ARFGEF3: variants seen among roughly 807,000 people sequenced by gnomAD.
ARFGEF3 encodes brefeldin A-inhibited guanine nucleotide-exchange protein 3.
A neutral mutation model predicts 221.7 loss-of-function variants in ARFGEF3; 96 were observed. That is an observed-to-expected ratio of 0.43 (90% confidence interval 0.37 to 0.51). The LOEUF (loss-of-function observed/expected upper bound fraction) is 0.51, where lower values mean the gene tolerates loss of function less well. ARFGEF3 is among the 20% of genes least tolerant of loss of function. ARFGEF3 has a pLI of 0.00. For synonymous variants in ARFGEF3, 1,145 were observed against 1,126.8 expected (o/e 1.02, Z -0.32); for missense variants, 2,410 against 2,789.9 (o/e 0.86, Z 3.07).
chr6:138,315,250 G>A (rs148163764), intron 26 of ARFGEF3, among the ~76,000 whole-genome samples: 170 of 152,264 alleles, frequency 1.1e-3, no homozygotes, highest in African/African-American at 3.1e-3. Context: ...TAAAGAATTT[G>A]TTTCCAATTA....
rs139169064 is a variant in ARFGEF3, at chr6:138,171,765, AT to A, written c.137+1061del. Among the ~76,000 whole-genome samples the A allele has an allele frequency of 5.9e-5, 9 of 151,342 alleles. No individual in the cohort carries two copies. In the East Asian group the frequency reaches 1.2e-3, roughly 20 times the overall value. Reference sequence around the variant, plus strand: ...TATTCACGACTTTGTTGCCTGCTTGATTTTTTTTTACTCAAAACCATATGAA... The same window carrying A: ...TATTCACGACTTTGTTGCCTGCTTGATTTTTTTTACTCAAAACCATATGAA... On this transcript the variant is annotated intron_variant, in intron 2 of 33. Coordinates refer to ENST00000251691, the MANE Select transcript of ARFGEF3 (RefSeq NM_020340.5).
chr6:138,333,504 C>T (rs113139574), intron 32 of ARFGEF3, among the ~76,000 whole-genome samples: 106 of 152,172 alleles, frequency 7.0e-4, no homozygotes, highest in African/African-American at 2.1e-3. Flanking sequence ...TGCAGTGGCG[C>T]GATTTCAGCT....
intron 14 of ARFGEF3, among the ~76,000 whole-genome samples, chr6:138,285,118 C>T (rs565284529): frequency 6.6e-6 from 1 of 152,264 alleles, no homozygotes; most frequent in East Asian, 1.9e-4. Flanking sequence ...CTAATTTTAG[C>T]TGTTTCGATG....
chr6:138,245,587 A>T lies in ARFGEF3; in HGVS notation c.661A>T (p.Ile221Leu). Residue 221 changes from isoleucine (I) to leucine (L), a missense_variant, in exon 8 of 34, where the codon ATA (isoleucine) becomes TTA (leucine). Ile to Leu is a conservative substitution (Grantham distance 5, BLOSUM62 2). This residue lies in a region of ARFGEF3 where 570 missense variants were observed against 586.9 expected (regional missense o/e 0.97). Transcript: ENST00000251691. ...TVLCEKLQAAINDSQQLQLLY... is the reference protein window; with the variant it reads ...TVLCEKLQAALNDSQQLQLLY... ...CCTGTGTGAGAAGCTGCAAGCCGCC[A>T]TAAAGTAAGTGCCCTAACCACTGCC... The T allele has an allele frequency of 1.2e-6, 2 of 1,607,426 alleles. No individual in the cohort carries two copies. The highest frequency in any genetic ancestry group is 2.2e-5 in the East Asian group (1 of 44,684).
chr6:138,167,040 A>G (rs1174287410), intron 1 of ARFGEF3, among the ~76,000 whole-genome samples: 14 of 152,158 alleles, frequency 9.2e-5, no homozygotes, highest in Non-Finnish European at 1.5e-5. Context: ...AAGAACAGTA[A>G]CATACAGCCA....
At chr6:138,207,349 A>G (rs1287165605) in intron 3 of ARFGEF3, among the ~76,000 whole-genome samples, 2 of 152,240 alleles carry the variant, frequency 1.3e-5, no homozygotes, top group Non-Finnish European at 2.9e-5. Context: ...ACACTGATTC[A>G]TGTGGACCTA....
intron 10 of ARFGEF3, among the ~76,000 whole-genome samples, chr6:138,260,344 T>C (rs1454193249): frequency 1.3e-5 from 2 of 152,214 alleles, no homozygotes; most frequent in Non-Finnish European, 2.9e-5. Context: ...GCTTGGAGTA[T>C]CAATCACTTT....
chr6:138,310,555 G>GT (rs372393309), intron 24 of ARFGEF3, among the ~76,000 whole-genome samples: 2,896 of 151,840 alleles, frequency 0.019, 36 homozygotes, highest in Middle Eastern at 0.041. Flanking sequence ...AATGTTTTTT[G>GT]TTTTTTTTAA....
intron 5 of ARFGEF3, among the ~76,000 whole-genome samples, chr6:138,233,390 G>T (rs955060676): frequency 2.6e-5 from 4 of 151,854 alleles, no homozygotes; most frequent in African/African-American, 9.7e-5. Context: ...TTTGGGGGGT[G>T]GGGGGAGATG....
intron 14 of ARFGEF3, 87 bp from the exon 15 acceptor site, chr6:138,285,859 G>T (rs1310724030): frequency 1.6e-5 from 12 of 756,476 alleles, no homozygotes; most frequent in Non-Finnish European, 2.6e-5. Flanking sequence ...AGGGATATTT[G>T]TTAAAAATGA....
rs1780476047 is a variant in ARFGEF3 at position 138,344,107 on chromosome 6, C to T, written c.*7621C>T. The T allele has an allele frequency of 6.6e-6, 1 of 152,188 alleles. No individual in the cohort carries two copies. The highest frequency in any genetic ancestry group is 2.4e-5 in the African/African-American group (1 of 41,434). 9.4% of individuals were successfully genotyped at this position (152,188 alleles called of 1,614,324 possible). On this transcript the variant is annotated 3_prime_UTR_variant, in exon 34 of 34. Coordinates refer to ENST00000251691, the MANE Select transcript of ARFGEF3 (RefSeq NM_020340.5). ...TACATTATAAACAGTTCCCCTACTA[C>T]TATCTCCCACTCTAGATAAAGCCAG...
chr6:138,319,135 T>G (rs905994594), intron 27 of ARFGEF3, among the ~76,000 whole-genome samples: 4 of 148,578 alleles, frequency 2.7e-5, no homozygotes, highest in Middle Eastern at 3.2e-3. Context: ...TTTTTTTTTT[T>G]GAGAAGGGAT....
chr6:138,279,117 G>A (rs966364624), intron 13 of ARFGEF3, among the ~76,000 whole-genome samples: 2 of 152,148 alleles, frequency 1.3e-5, no homozygotes, highest in African/African-American at 4.8e-5. Flanking sequence ...CTGGGCTCAA[G>A]CAGTCCTCCC....
intron 2 of ARFGEF3, among the ~76,000 whole-genome samples, chr6:138,175,764 G>T (rs74958039): frequency 0.04 from 6,150 of 152,232 alleles, 139 homozygotes; most frequent in Middle Eastern, 0.092. Flanking sequence ...AGGTCCATTT[G>T]GCTTAAAGTC....
chr6:138,284,967 A>C (rs1049938293), intron 14 of ARFGEF3, among the ~76,000 whole-genome samples: 5 of 152,174 alleles, frequency 3.3e-5, no homozygotes, highest in African/African-American at 1.2e-4. Context: ...CTAAACATAG[A>C]AAAGGTGCAA....
At chr6:138,214,436 T>TTTTAATAGCATA (rs1777796063) in intron 4 of ARFGEF3, among the ~76,000 whole-genome samples, 1 of 152,226 alleles carries the variant, frequency 6.6e-6, no homozygotes, top group South Asian at 2.1e-4. Context: ...TCTTCAAATG[T>TTTTAATAGCATA]TGGTCTGGAT....
chr6:138,223,087 T>C (rs1210605556), intron 4 of ARFGEF3, among the ~76,000 whole-genome samples: 2 of 152,198 alleles, frequency 1.3e-5, no homozygotes, highest in Non-Finnish European at 1.5e-5. Flanking sequence ...AAAATCTCTG[T>C]TGACATTTCA....
Position 138,334,487 on chromosome 6 carries a change from C to T in ARFGEF3, c.5641C>T (p.Arg1881Trp), listed in dbSNP as rs977816816. The T allele has an allele frequency of 2.4e-5, 38 of 1,602,260 alleles. No individual in the cohort carries two copies. Among genetic ancestry groups the T allele is most frequent in the Admixed American group, 3.4e-5 (2 of 58,358 alleles). Residue 1881 changes from arginine to tryptophan, a missense_variant, in exon 33 of 34, where the codon CGG (arginine) becomes TGG (tryptophan). Arg to Trp is a moderately radical substitution (Grantham distance 101). Transcript: ENST00000251691. The surrounding 1 kb of genome is among the most constrained non-coding windows in gnomAD (Gnocchi z 5.1). ...GAGAGGCAAGGAGAAGAGACAGTGGCGGGCACGGATGCCCTTGCTCAGCGT... is the reference window on the plus strand; with the variant it reads ...GAGAGGCAAGGAGAAGAGACAGTGGTGGGCACGGATGCCCTTGCTCAGCGT... ...PPRGKEKRQW[R>W]ARMPLLSVQP...
At chr6:138,175,943 A>G (rs1464537957) in intron 2 of ARFGEF3, among the ~76,000 whole-genome samples, 2 of 152,156 alleles carry the variant, frequency 1.3e-5, no homozygotes, top group African/African-American at 2.4e-5. Flanking sequence ...GGGTACATAT[A>G]TATTAAAATT....
Sources: allele counts gnomAD v4.1 joint callset (sites outside exome capture counted in the v4.1 genomes callset), GRCh38; gene constraint gnomAD v4.1.1; regional missense constraint gnomAD v4.1.1; non-coding constraint Gnocchi (gnomAD v3.1); transcripts MANE v1.5; gene names NCBI Gene and HGNC (gene_info 2026-07-23, HGNC 2026-07-21).